AGBL4: variants seen among roughly 807,000 people sequenced by gnomAD.
AGBL4 encodes the protein cytosolic carboxypeptidase 6.
Under a neutral mutation model 66.4 loss-of-function variants are expected in AGBL4, and 58 were observed. That is an observed-to-expected ratio of 0.87 (90% CI 0.71 to 1.09). The LOEUF (loss-of-function observed/expected upper bound fraction) is 1.09, where lower values mean the gene tolerates loss of function less well. Ranked by LOEUF, AGBL4 falls within the 50% of genes least tolerant of loss-of-function variation. The pLI, the probability that AGBL4 is intolerant of heterozygous loss-of-function variation, is 0.00. For missense variants in AGBL4, 579 were observed against 631.0 expected (o/e 0.92, Z 0.88); for synonymous variants, 234 against 222.9 (o/e 1.05, Z -0.44).
At chr1:48,733,831 C>T (rs369315532) in intron 6 of AGBL4, among the ~76,000 whole-genome samples, 12 of 152,158 alleles carry the variant, frequency 7.9e-5, no homozygotes, top group African/African-American at 2.4e-4. Context: ...GTTCAACCTT[C>T]GTTTACTGAG....
rs1421410097 is a variant in AGBL4, at chr1:49,494,338, A to G, written c.282+202975T>C. 2.0e-4 allele frequency among the ~76,000 whole-genome samples: 30 copies of G among 151,820 alleles called. 2 individuals carry two copies. The highest frequency in any genetic ancestry group is 2.0e-3 in the Admixed American group (30 of 15,254). ...TGTGCACAATGTGCAGGTTAGTTAC[A>G]TATGTATACATGTGACATGCTGGTG... is the stretch of plus-strand genomic sequence containing the variant. On this transcript the variant is annotated intron_variant, in intron 3 of 13. Coordinates refer to ENST00000371839, the MANE Select transcript of AGBL4 (RefSeq NM_032785.4).
At chr1:49,747,642 T>C (rs911385942) in intron 2 of AGBL4, among the ~76,000 whole-genome samples, 3 of 152,160 alleles carry the variant, frequency 2.0e-5, no homozygotes, top group Admixed American at 6.6e-5. Context: ...AAATTTTTCA[T>C]CTCTTTGTCC....
At chr1:49,000,800 T>C (rs1017060599) in intron 5 of AGBL4, among the ~76,000 whole-genome samples, 2 of 152,200 alleles carry the variant, frequency 1.3e-5, no homozygotes, top group African/African-American at 2.4e-5. Flanking sequence ...ATTTGCCTTG[T>C]TTAGTGTTGC....
intron 3 of AGBL4, among the ~76,000 whole-genome samples, chr1:49,603,527 A>T (rs1041753177): frequency 3.6e-5 from 5 of 140,590 alleles, no homozygotes; most frequent in African/African-American, 1.1e-4. Context: ...TCCATCTCAA[A>T]AAATAAATAA....
chr1:49,834,240 A>G (rs1645782895), intron 2 of AGBL4, among the ~76,000 whole-genome samples: 1 of 152,124 alleles, frequency 6.6e-6, no homozygotes, highest in South Asian at 2.1e-4. Context: ...TACATTATTA[A>G]TTATTGCCTC....
chr1:48,677,952 G>A (rs1646392856), intron 6 of AGBL4, among the ~76,000 whole-genome samples: 2 of 152,158 alleles, frequency 1.3e-5, no homozygotes, highest in South Asian at 4.1e-4. Flanking sequence ...TGCAGAATGG[G>A]AACTGGTAGG....
chr1:49,041,101 A>G lies in AGBL4; in HGVS notation c.594+4483T>C, dbSNP rs527907359. Among the ~76,000 whole-genome samples the G allele has an allele frequency of 1.1e-4, 16 of 152,234 alleles. No homozygotes were observed. The East Asian group carries it at 1.4e-3, about 13-fold the overall frequency. On this transcript the variant is annotated intron_variant, in intron 5 of 13. Coordinates refer to ENST00000371839, the MANE Select transcript of AGBL4 (RefSeq NM_032785.4). ...TGCATTCTTGGATGATATAATTAGTACCAGTAACAACTATGGCCATAGTGA... is the reference window on the plus strand; with the variant it reads ...TGCATTCTTGGATGATATAATTAGTGCCAGTAACAACTATGGCCATAGTGA...
chr1:49,506,633 A>G (rs1648713888), intron 3 of AGBL4, among the ~76,000 whole-genome samples: 1 of 152,058 alleles, frequency 6.6e-6, no homozygotes. Context: ...TGTGGAACTG[A>G]GTCAATTAAA....
intron 3 of AGBL4, among the ~76,000 whole-genome samples, chr1:49,614,867 A>T (rs1645222585): frequency 6.6e-6 from 1 of 152,140 alleles, no homozygotes. Context: ...CTTAAGGTGT[A>T]CAAGTGCCTC....
At chr1:49,850,329 G>A (rs1646273313) in intron 2 of AGBL4, among the ~76,000 whole-genome samples, 1 of 152,144 alleles carries the variant, frequency 6.6e-6, no homozygotes, top group African/African-American at 2.4e-5. Context: ...AAGCTAGGGG[G>A]AGAAACATGG....
At chr1:48,795,705 T>C (rs1449640288) in intron 6 of AGBL4, among the ~76,000 whole-genome samples, 2 of 152,212 alleles carry the variant, frequency 1.3e-5, no homozygotes, top group African/African-American at 4.8e-5. Flanking sequence ...CAGGCTGGAG[T>C]GCAGTGGCAC....
chr1:49,741,123 G>A (rs370121975), intron 2 of AGBL4, among the ~76,000 whole-genome samples: 1 of 151,998 alleles, frequency 6.6e-6, no homozygotes, highest in South Asian at 2.1e-4. Flanking sequence ...ATGGTTTTTC[G>A]AAAGGATCAA....
At chr1:49,784,260 T>C (rs1490798788) in intron 2 of AGBL4, among the ~76,000 whole-genome samples, 2 of 152,100 alleles carry the variant, frequency 1.3e-5, no homozygotes, top group Non-Finnish European at 2.9e-5. Context: ...CAATACAATA[T>C]GGTACTGACA....
chr1:49,373,879 G>A (rs955924050), intron 3 of AGBL4, among the ~76,000 whole-genome samples: 1 of 152,106 alleles, frequency 6.6e-6, no homozygotes. Flanking sequence ...ATGATGACAA[G>A]TGGCCCGGTA....
intron 4 of AGBL4, among the ~76,000 whole-genome samples, chr1:49,160,894 C>T (rs796322658): frequency 3.3e-5 from 5 of 152,228 alleles, no homozygotes; most frequent in African/African-American, 1.2e-4. Flanking sequence ...GGCCAGTGCC[C>T]CTCCCCCCAC....
At chr1:48,537,454 G>A (rs1262531523) in intron 12 of AGBL4, among the ~76,000 whole-genome samples, 1 of 152,084 alleles carries the variant, frequency 6.6e-6, no homozygotes, top group Non-Finnish European at 1.5e-5. Flanking sequence ...CTTTAGATCC[G>A]TGTCGGGGTT....
chr1:49,565,593 G>A (rs1241363349), intron 3 of AGBL4, among the ~76,000 whole-genome samples: 3 of 152,116 alleles, frequency 2.0e-5, no homozygotes, highest in East Asian at 1.9e-4. Flanking sequence ...GAAATTCTGG[G>A]TTGAAAATTC....
intron 6 of AGBL4, among the ~76,000 whole-genome samples, chr1:48,677,487 C>T (rs1646384087): frequency 6.9e-6 from 1 of 144,960 alleles, no homozygotes; most frequent in Admixed American, 6.8e-5. Context: ...GGTGGTTGAG[C>T]ACCTGCTCTG....
chr1:48,649,989 T>G (rs984784843), intron 8 of AGBL4, among the ~76,000 whole-genome samples: 5 of 152,246 alleles, frequency 3.3e-5, no homozygotes, highest in African/African-American at 1.2e-4. Flanking sequence ...AAATCTGACC[T>G]GACACCCAAG....
Sources: allele counts gnomAD v4.1 joint callset (sites outside exome capture counted in the v4.1 genomes callset), GRCh38; gene constraint gnomAD v4.1.1; transcripts MANE v1.5; gene names NCBI Gene and HGNC (gene_info 2026-07-23, HGNC 2026-07-21).